ERP27: variants seen among roughly 807,000 people sequenced by gnomAD.
ERP27 encodes the protein endoplasmic reticulum resident protein 27.
A neutral mutation model predicts 27.7 loss-of-function variants in ERP27; 23 were observed. The ratio of observed to expected loss-of-function variants is 0.83; its 90% confidence interval spans 0.60 to 1.18. The LOEUF is 1.18. Among genes scored for constraint, ERP27 ranks in the 50% most tolerant of loss-of-function variants. The probability of loss-of-function intolerance (pLI) is 0.00; values close to 1 mark genes in which losing one functional copy is unlikely to be tolerated. For missense variants in ERP27, 363 were observed against 327.9 expected (o/e 1.11, Z -0.83); for synonymous variants, 159 against 118.3 (o/e 1.34, Z -2.23).
chr12:14,914,577 T>TGC lies in ERP27; in HGVS notation c.*156_*157dup, dbSNP rs148149515. The TGC allele has an allele frequency of 0.016, 8,580 of 528,968 alleles. 138 individuals carry two copies. Among genetic ancestry groups the TGC allele is most frequent in the African/African-American group, 0.033 (1,622 of 49,756 alleles). 32.8% of individuals were successfully genotyped at this position (528,968 alleles called of 1,614,324 possible). ...GAAGCTCTGTGTGTGTGTGTGTGTG[T>TGC]GCGTGTGTGTGTGCACGCGTGCGTG... On this transcript the variant is annotated 3_prime_UTR_variant, in exon 7 of 7. Coordinates refer to ENST00000266397, the MANE Select transcript of ERP27 (RefSeq NM_152321.4).
intron 4 of ERP27, 67 bp downstream of exon 4, chr12:14,920,865 G>T: frequency 2.4e-6 from 3 of 1,227,624 alleles, no homozygotes; most frequent in Non-Finnish European, 3.6e-6. Flanking sequence ...AGAGACCTCT[G>T]TTATGAAGAC....
chr12:14,937,516 G>A (rs1425202435), intron 2 of ERP27, among the ~76,000 whole-genome samples: 3 of 152,202 alleles, frequency 2.0e-5, no homozygotes, highest in Non-Finnish European at 2.9e-5. Flanking sequence ...AAAAGGCTGT[G>A]CACTGACTAA....
At chr12:14,933,744 C>T (rs1007034233) in intron 3 of ERP27, among the ~76,000 whole-genome samples, 1 of 152,214 alleles carries the variant, frequency 6.6e-6, no homozygotes, top group East Asian at 1.9e-4. Flanking sequence ...CACATGACCT[C>T]ACTATTCTTA....
chr12:14,916,174 T>TA (rs918665781), intron 5 of ERP27, among the ~76,000 whole-genome samples: 10 of 152,100 alleles, frequency 6.6e-5, no homozygotes, highest in Non-Finnish European at 1.5e-4. Flanking sequence ...ACTTAAAAGT[T>TA]AAAAAAAATG....
intron 3 of ERP27, among the ~76,000 whole-genome samples, chr12:14,929,885 A>G (rs956029575): frequency 3.3e-5 from 5 of 152,178 alleles, no homozygotes; most frequent in African/African-American, 1.2e-4. Flanking sequence ...TTTGTTAAAC[A>G]AAGGTCCTCA....
In ERP27 at chr12:14,928,700, A is replaced by G. The variant is rs562558581; in HGVS notation, c.333+6156T>C. Among the ~76,000 whole-genome samples the G allele has an allele frequency of 1.0e-3, 154 of 152,370 alleles. 3 individuals carry two copies. Among genetic ancestry groups the G allele is most frequent in the Middle Eastern group, 6.8e-3 (2 of 294 alleles). ...TTGAAACAAATCAAAACCACAGGGT[A>G]AAAATGAACTCCTTGTGTATATTTA... On this transcript the variant is annotated intron_variant, in intron 3 of 6. Transcript: ENST00000266397.
In ERP27 at chr12:14,915,474, C is replaced by A; in HGVS notation, c.774+15G>T. 1 of 1,608,046 alleles carries A rather than the reference C, an allele frequency of 6.2e-7. No individual in the cohort carries two copies. The highest frequency in any genetic ancestry group is 1.1e-5 in the South Asian group (1 of 90,514). Reference sequence around the variant, plus strand: ...GAAAGAAAACAATTTGCTTTACCTGCAGTCTCACACTTACCAACAATTTTC... The same window carrying A: ...GAAAGAAAACAATTTGCTTTACCTGAAGTCTCACACTTACCAACAATTTTC... On this transcript the variant is annotated intron_variant, in intron 6 of 6. Transcript: ENST00000266397.
rs529363740 is a variant in ERP27, at chr12:14,933,325, G to A, written c.333+1531C>T. Among the ~76,000 whole-genome samples the A allele has an allele frequency of 4.6e-5, 7 of 152,148 alleles. No individual in the cohort carries two copies. The East Asian group carries it at 5.8e-4, about 13-fold the overall frequency. On this transcript the variant is annotated intron_variant, in intron 3 of 6. Coordinates refer to ENST00000266397, the MANE Select transcript of ERP27 (RefSeq NM_152321.4). Reference sequence around the variant, plus strand: ...AGCAGCAGGAGGATCAGGAGAAGTAGTTTCCTAGAATTCAAGGAAAGAGAG... The same window carrying A: ...AGCAGCAGGAGGATCAGGAGAAGTAATTTCCTAGAATTCAAGGAAAGAGAG...
At chr12:14,926,302 T>C (rs944658919) in intron 3 of ERP27, among the ~76,000 whole-genome samples, 1 of 152,254 alleles carries the variant, frequency 6.6e-6, no homozygotes, top group Admixed American at 6.5e-5. Context: ...TATATTCATA[T>C]CAGCTTTCTT....
At chr12:14,928,833 C>T in intron 3 of ERP27, 2 of 1,094,934 alleles carry the variant, frequency 1.8e-6, no homozygotes, top group Non-Finnish European at 2.7e-6. Context: ...ACCCTCCTAC[C>T]ACCTCCTTCC....
rs1863745493 is a variant in ERP27, at chr12:14,934,465, G to T, written c.333+391C>A. On this transcript the variant is annotated intron_variant, in intron 3 of 6. Coordinates refer to ENST00000266397, the MANE Select transcript of ERP27 (RefSeq NM_152321.4). ...TACAGGAAGTATTTAATAAATGTTT[G>T]AAGAACATAAATGAACTCCTCAAAA... Among the ~76,000 whole-genome samples the T allele has an allele frequency of 5.3e-5, 8 of 152,204 alleles. No homozygotes were observed. In the South Asian group the frequency reaches 1.7e-3, roughly 32 times the overall value.
At position 14,937,961 on chromosome 12, in the gene ERP27, G is replaced by C. The variant is rs568564729; in HGVS notation, c.186C>G (p.Gly62=). Residue 62 remains glycine, a synonymous_variant, in exon 2 of 7, where the codon GGC becomes GGG. Transcript: ENST00000266397. ...FIAATEVAVI[G]FFQDLEIPAV... ...CAAGTAGGGAACTAACCTGGAAGAA[G>C]CCTATGACAGCCACCTCAGTGGCAG... 6.2e-7 allele frequency: 1 copy of C among 1,613,904 alleles called. No individual in the cohort carries two copies. Among genetic ancestry groups the C allele is most frequent in the Middle Eastern group, 1.7e-4 (1 of 6,060 alleles).
chr12:14,926,447 C>T lies in ERP27; in HGVS notation c.334-5399G>A, dbSNP rs141844527. Among the ~76,000 whole-genome samples, 60 of 152,296 alleles carry T rather than the reference C, an allele frequency of 3.9e-4. No individual in the cohort carries two copies. The East Asian group carries it at 0.01, about 26-fold the overall frequency. ...GGATTATTTCCACGAAATGAAATTACTGGTGTATTTAATTATGCATTTTCC... is the reference window on the plus strand; with the variant it reads ...GGATTATTTCCACGAAATGAAATTATTGGTGTATTTAATTATGCATTTTCC... On this transcript the variant is annotated intron_variant, in intron 3 of 6. Coordinates refer to ENST00000266397, the MANE Select transcript of ERP27 (RefSeq NM_152321.4).
At chr12:14,929,189 A>T (rs1863660458) in intron 3 of ERP27, 7 of 1,309,422 alleles carry the variant, frequency 5.3e-6, no homozygotes, top group Non-Finnish European at 6.9e-6. Context: ...TTCCCAGAAC[A>T]GGGAGAACAA....
intron 3 of ERP27, among the ~76,000 whole-genome samples, chr12:14,924,074 C>T (rs1325898344): frequency 6.6e-6 from 1 of 152,168 alleles, no homozygotes; most frequent in Non-Finnish European, 1.5e-5. Context: ...ATTGTGCTCT[C>T]TACTTCTATA....
chr12:14,925,164 C>G (rs1166225575), intron 3 of ERP27, among the ~76,000 whole-genome samples: 1 of 152,182 alleles, frequency 6.6e-6, no homozygotes, highest in Non-Finnish European at 1.5e-5. Context: ...TGTGGACTCA[C>G]CCTGAATTCT....
At chr12:14,932,773 T>C (rs999403865) in intron 3 of ERP27, among the ~76,000 whole-genome samples, 1 of 152,168 alleles carries the variant, frequency 6.6e-6, no homozygotes, top group African/African-American at 2.4e-5. Context: ...AAATACAGAA[T>C]GAGGTAGAAG....
intron 3 of ERP27, among the ~76,000 whole-genome samples, chr12:14,930,580 A>T (rs542598208): frequency 6.6e-6 from 1 of 152,272 alleles, no homozygotes; most frequent in East Asian, 1.9e-4. Flanking sequence ...TGTTACACTC[A>T]CAAAAGACAG....
intron 3 of ERP27, among the ~76,000 whole-genome samples, chr12:14,923,250 G>A (rs1478430486): frequency 6.6e-6 from 1 of 152,010 alleles, no homozygotes; most frequent in Non-Finnish European, 1.5e-5. Flanking sequence ...TACACCATTG[G>A]TGCTTCGGCC....
Sources: allele counts gnomAD v4.1 joint callset (sites outside exome capture counted in the v4.1 genomes callset), GRCh38; gene constraint gnomAD v4.1.1; transcripts MANE v1.5; gene names NCBI Gene and HGNC (gene_info 2026-07-23, HGNC 2026-07-21).